RHD: variants seen among roughly 807,000 people sequenced by gnomAD.
The protein encoded by RHD is blood group Rh(D) polypeptide.
A neutral mutation model predicts 45.5 loss-of-function variants in RHD; 16 were observed. The observed-to-expected ratio is 0.35, with a 90% CI of 0.24 to 0.53. The LOEUF is 0.53. RHD is among the 20% of genes least tolerant of loss of function. The pLI is 0.92. For synonymous variants in RHD, 131 were observed against 217.5 expected (o/e 0.60, Z 3.50); for missense variants, 306 against 532.0 (o/e 0.58, Z 4.18).
At chr1:25,299,675 C>A (rs138535397) in intron 3 of RHD, among the ~76,000 whole-genome samples, 3,390 of 96,518 alleles carry the variant, frequency 0.035, 27 homozygotes, top group Non-Finnish European at 0.046. Context: ...TGGCAAGAAC[C>A]TGGACCTTGA....
Position 25,303,442 on chromosome 1 carries a change from G to T in RHD, c.922G>T (p.Gly308Ter), listed in dbSNP as rs1355698683. The change falls in exon 6 of 10, where the codon GGA becomes TGA. Residue 308 changes from glycine (G) to a stop codon, truncating the protein, a stop_gained. Transcript: ENST00000328664. LOFTEE classifies it high-confidence loss of function. ...GLVAGLISVG[G>*]AKYLPGCCNR... ...TGTGGCTGGGCTGATCTCCGTCGGG[G>T]GAGCCAAGTACCTGCCGGTAAGAAA... The T allele has an allele frequency of 1.5e-6, 2 of 1,378,940 alleles. No homozygotes were observed. Among genetic ancestry groups the T allele is most frequent in the Non-Finnish European group, 2.0e-6 (2 of 978,820 alleles). 85.4% of individuals were successfully genotyped at this position (1,378,940 alleles called of 1,614,324 possible). A position where few individuals can be genotyped will look rare whatever the true frequency, so the allele number is the denominator to read the frequency against.
rs180973630 is a variant in RHD, at chr1:25,292,223, T to C, written c.486+1432T>C. Among the ~76,000 whole-genome samples the C allele has an allele frequency of 4.7e-4, 62 of 132,496 alleles. 12 individuals carry two copies. The highest frequency in any genetic ancestry group is 3.1e-3 in the East Asian group (16 of 5,126). 86.9% of individuals were successfully genotyped at this position (132,496 alleles called of 152,430 possible). ...CTGTGCCTCAGTGTCCCAAAGGACT[T>C]TGGATTTTACTCTGAGAAATACAGG... On this transcript the variant is annotated intron_variant, in intron 3 of 9. Coordinates refer to ENST00000328664, the MANE Select transcript of RHD (RefSeq NM_016124.6).
rs1483042234 is a variant in RHD, at chr1:25,281,567, C to A, written c.149-3006C>A. On this transcript the variant is annotated intron_variant, in intron 1 of 9. Coordinates refer to ENST00000328664, the MANE Select transcript of RHD (RefSeq NM_016124.6). ...TCACTGCTCCCGCATGTGCACTGCA[C>A]CTTCATATACATATTTCCTGCTTGG... 1.5e-5 allele frequency among the ~76,000 whole-genome samples: 2 copies of A among 131,956 alleles called. 1 individual carries two copies. Among genetic ancestry groups the A allele is most frequent in the Non-Finnish European group, 3.6e-5 (2 of 55,798 alleles). 86.6% of individuals were successfully genotyped at this position (131,956 alleles called of 152,430 possible). A position where few individuals can be genotyped will look rare whatever the true frequency, so the allele number is the denominator to read the frequency against.
chr1:25,283,879 C>G (rs28534420), intron 1 of RHD, among the ~76,000 whole-genome samples: 1 of 133,982 alleles, frequency 7.5e-6, no homozygotes, highest in Non-Finnish European at 1.8e-5. Flanking sequence ...GCTCACCCTC[C>G]GCTTTGCTGG....
intron 2 of RHD, among the ~76,000 whole-genome samples, chr1:25,285,069 A>G (rs1378487171): frequency 1.5e-5 from 2 of 134,582 alleles, no homozygotes; most frequent in African/African-American, 5.2e-5. Flanking sequence ...AAGTTTATGG[A>G]AAACGTAAGA....
chr1:25,275,871 G>A lies in RHD; in HGVS notation c.148+3176G>A, dbSNP rs648291. 1.1e-4 allele frequency among the ~76,000 whole-genome samples: 15 copies of A among 131,794 alleles called. 1 individual carries two copies. The highest frequency in any genetic ancestry group is 1.6e-4 in the Non-Finnish European group (9 of 55,848). The allele number at this position is 131,794 out of a possible 152,430, so 86.5% of individuals were successfully genotyped here. A position where few individuals can be genotyped will look rare whatever the true frequency, so the allele number is the denominator to read the frequency against. ...CTCGAATGTGACTGACAGCTTGTAC[G>A]AGGAGAAGTTTCACTCTGCCTTTTC... On this transcript the variant is annotated intron_variant, in intron 1 of 9. Coordinates refer to ENST00000328664, the MANE Select transcript of RHD (RefSeq NM_016124.6).
chr1:25,291,952 C>T lies in RHD; in HGVS notation c.486+1161C>T, dbSNP rs555007779. Among the ~76,000 whole-genome samples the T allele has an allele frequency of 3.0e-5, 4 of 132,310 alleles. 1 individual carries two copies. Among genetic ancestry groups the T allele is most frequent in the African/African-American group, 7.7e-5 (3 of 38,858 alleles). The allele number at this position is 132,310 out of a possible 152,430, so 86.8% of individuals were successfully genotyped here. A position where few individuals can be genotyped will look rare whatever the true frequency, so the allele number is the denominator to read the frequency against. On this transcript the variant is annotated intron_variant, in intron 3 of 9. Transcript: ENST00000328664. The stretch of plus-strand genomic sequence containing the variant: ...TAGCAAGATAGTGGCAGAACCCAAG[C>T]GAGAACCCACAGTTCCAGCCTGGCT...
intron 1 of RHD, among the ~76,000 whole-genome samples, chr1:25,273,905 A>G (rs1640713179): frequency 7.7e-6 from 1 of 129,860 alleles, no homozygotes. Context: ...AGTGACAAGT[A>G]GGACTTAGGG....
intron 1 of RHD, among the ~76,000 whole-genome samples, chr1:25,275,482 C>A (rs1365756849): frequency 3.1e-5 from 4 of 130,984 alleles, no homozygotes; most frequent in Admixed American, 1.5e-4. Flanking sequence ...CTTGAGACAC[C>A]AGACCAGCGT....
chr1:25,274,813 C>A (rs1268663223), intron 1 of RHD, among the ~76,000 whole-genome samples: 1 of 133,584 alleles, frequency 7.5e-6, no homozygotes, highest in East Asian at 1.9e-4. Context: ...TCGAGACCAG[C>A]CTGGCCAACA....
At position 25,300,943 on chromosome 1, in the gene RHD, C is replaced by A. The variant is rs746498767; in HGVS notation, c.487-3C>A. ...TCACTGCTCTTACTGGGTTTTATTGCAGACAGACTACCACATGAACATGAT... is the reference window on the plus strand; with the variant it reads ...TCACTGCTCTTACTGGGTTTTATTGAAGACAGACTACCACATGAACATGAT... On this transcript the variant is annotated splice_polypyrimidine_tract_variant and splice_region_variant and intron_variant, in intron 3 of 9. Coordinates refer to ENST00000328664, the MANE Select transcript of RHD (RefSeq NM_016124.6). 7.3e-7 allele frequency: 1 copy of A among 1,377,778 alleles called. No homozygotes were observed. Among genetic ancestry groups the A allele is most frequent in the Non-Finnish European group, 1.0e-6 (1 of 977,956 alleles). The allele number at this position is 1,377,778 out of a possible 1,614,324, so 85.3% of individuals were successfully genotyped here.
At chr1:25,282,616 T>G (rs1641590036) in intron 1 of RHD, among the ~76,000 whole-genome samples, 1 of 132,534 alleles carries the variant, frequency 7.5e-6, no homozygotes, top group African/African-American at 2.6e-5. Flanking sequence ...ATGCTTCCCC[T>G]TCCACCTTTT....
chr1:25,275,799 T>G (rs1640911046), intron 1 of RHD, among the ~76,000 whole-genome samples: 1 of 132,550 alleles, frequency 7.5e-6, no homozygotes, highest in African/African-American at 2.6e-5. Flanking sequence ...AATTTGAAAT[T>G]GTCTTGATTG....
intron 2 of RHD, among the ~76,000 whole-genome samples, chr1:25,286,586 A>G (rs1642018603): frequency 7.5e-6 from 1 of 133,700 alleles, no homozygotes; most frequent in South Asian, 2.2e-4. Context: ...GGAGATCGAG[A>G]CCATCCTGGC....
In RHD at chr1:25,305,341, A is replaced by G. The variant is rs1207883203; in HGVS notation, c.940-1255A>G. 1.5e-5 allele frequency among the ~76,000 whole-genome samples: 2 copies of G among 130,576 alleles called. 1 individual carries two copies. Among genetic ancestry groups the G allele is most frequent in the Non-Finnish European group, 3.6e-5 (2 of 55,528 alleles). 85.7% of individuals were successfully genotyped at this position (130,576 alleles called of 152,430 possible). A position where few individuals can be genotyped will look rare whatever the true frequency, so the allele number is the denominator to read the frequency against. On this transcript the variant is annotated intron_variant, in intron 6 of 9. Coordinates refer to ENST00000328664, the MANE Select transcript of RHD (RefSeq NM_016124.6). ...GATCCCTGAAAGATGGGAGGTGCTC[A>G]GGCACACTTCCTGGGCTAGTTGAGG...
chr1:25,304,843 C>T (rs1049121798), intron 6 of RHD: 1 of 131,602 alleles, frequency 7.6e-6, no homozygotes, highest in Non-Finnish European at 1.8e-5. Flanking sequence ...GGAGGAAGGG[C>T]AGAAAAAAGA....
In RHD at chr1:25,329,206, G is replaced by A. The variant is rs1347462322; in HGVS notation, c.*282G>A. The A allele has an allele frequency of 1.1e-5, 5 of 471,628 alleles. No homozygotes were observed. Among genetic ancestry groups the A allele is most frequent in the South Asian group, 5.6e-5 (3 of 53,332 alleles). 29.2% of individuals were successfully genotyped at this position (471,628 alleles called of 1,614,324 possible). ...CTGCATATATGATGGTGGTCATCCAGTAAGCTAAGGTTAATTTATTATTAT... is the reference window on the plus strand; with the variant it reads ...CTGCATATATGATGGTGGTCATCCAATAAGCTAAGGTTAATTTATTATTAT... On this transcript the variant is annotated 3_prime_UTR_variant, in exon 10 of 10. Transcript: ENST00000328664.
intron 1 of RHD, among the ~76,000 whole-genome samples, chr1:25,275,003 C>G (rs111939189): frequency 0.028 from 3,711 of 130,754 alleles, 615 homozygotes; most frequent in African/African-American, 0.089. Flanking sequence ...AAGAGGAGAG[C>G]AGGGACTGGG....
intron 3 of RHD, among the ~76,000 whole-genome samples, chr1:25,296,305 G>GGA (rs1642954898): frequency 7.9e-6 from 1 of 127,304 alleles, no homozygotes; most frequent in Admixed American, 7.6e-5. Context: ...GGAGTGCGGT[G>GGA]GTGTGATCTC....
Sources: allele counts gnomAD v4.1 joint callset (sites outside exome capture counted in the v4.1 genomes callset), GRCh38; gene constraint gnomAD v4.1.1; transcripts MANE v1.5; gene names NCBI Gene and HGNC (gene_info 2026-07-23, HGNC 2026-07-21).